Variants in FOXP1 observed in about 807,000 individuals in gnomAD.
The protein encoded by FOXP1 is forkhead box protein P1.
FOXP1 carries 15 observed loss-of-function variants against 98.2 expected under a neutral mutation model. The ratio of observed to expected loss-of-function variants is 0.15; its 90% CI spans 0.10 to 0.24. FOXP1 has a LOEUF of 0.24. FOXP1 is among the 10% of genes least tolerant of loss of function. FOXP1 has a pLI of 1.00. For synonymous variants in FOXP1, 371 were observed against 314.5 expected, an observed-to-expected ratio of 1.18 and a Z score of -1.90; for missense variants, 633 against 848.5, an observed-to-expected ratio of 0.75 and a Z score of 3.15.
chr3:71,347,963 G>T (rs1349738251), intron 4 of FOXP1, among the ~76,000 whole-genome samples: 1 of 151,698 alleles, frequency 6.6e-6, no homozygotes, highest in Non-Finnish European at 1.5e-5. Flanking sequence ...CCAAAACCAT[G>T]ATTAGTACTG....
chr3:71,293,303 T>G (rs1331648175), intron 5 of FOXP1, among the ~76,000 whole-genome samples: 1 of 152,110 alleles, frequency 6.6e-6, no homozygotes, highest in African/African-American at 2.4e-5. Flanking sequence ...AAAACATCAT[T>G]TAAAAAATAC....
At chr3:71,463,659 G>A (rs1407757503) in intron 3 of FOXP1, among the ~76,000 whole-genome samples, 1 of 152,064 alleles carries the variant, frequency 6.6e-6, no homozygotes, top group Non-Finnish European at 1.5e-5. Context: ...CATGCTTTGT[G>A]GTCCCTGAAT....
At chr3:71,343,554 A>ATTTTTTTTTTTTT (rs10658352) in intron 4 of FOXP1, among the ~76,000 whole-genome samples, 1 of 116,414 alleles carries the variant, frequency 8.6e-6, no homozygotes, top group Non-Finnish European at 1.7e-5. Context: ...TCTCAATTAG[A>ATTTTTTTTTTTTT]TTTTTTTTTT....
intron 12 of FOXP1, among the ~76,000 whole-genome samples, chr3:71,009,155 C>G (rs374934807): frequency 6.8e-3 from 141 of 20,656 alleles, no homozygotes; most frequent in Non-Finnish European, 0.01. Flanking sequence ...ATCATGGGGG[C>G]GGGGGGGGGG....
chr3:71,212,227 G>A lies in FOXP1; in HGVS notation c.-11-13835C>T, dbSNP rs141681192. 7.5e-3 allele frequency among the ~76,000 whole-genome samples: 1,135 copies of A among 152,172 alleles called. 8 individuals carry two copies. The highest frequency in any genetic ancestry group is 0.011 in the Non-Finnish European group (756 of 68,012). On this transcript the variant is annotated intron_variant, in intron 5 of 20. Transcript: ENST00000649528. ...TAATGCGAATTGGTGAATGATTTAC[G>A]AGCCACCAAAAAATCCTCTCCCAAC...
At chr3:71,032,682 G>A (rs190567782) in intron 11 of FOXP1, among the ~76,000 whole-genome samples, 2 of 152,168 alleles carry the variant, frequency 1.3e-5, no homozygotes, top group Admixed American at 6.5e-5. Flanking sequence ...GGTAACACTG[G>A]TGCGAACACA....
At chr3:71,153,016 C>G (rs2060647458) in intron 6 of FOXP1, among the ~76,000 whole-genome samples, 1 of 152,220 alleles carries the variant, frequency 6.6e-6, no homozygotes, top group South Asian at 2.1e-4. Context: ...CACCAGCTTC[C>G]AGAGCCCCAC....
At chr3:71,485,166 G>T (rs1012551122) in intron 3 of FOXP1, among the ~76,000 whole-genome samples, 3 of 152,126 alleles carry the variant, frequency 2.0e-5, no homozygotes, top group African/African-American at 7.2e-5. Flanking sequence ...GAGGACAGGG[G>T]TGCAGAGGCC....
intron 4 of FOXP1, chr3:71,333,948 T>C (rs2076509846): frequency 6.9e-6 from 1 of 145,374 alleles, no homozygotes; most frequent in Middle Eastern, 4.0e-3. Context: ...AATAAGAAAA[T>C]ACACTAGAGG....
At chr3:71,100,742 G>A (rs2056881287) in intron 7 of FOXP1, among the ~76,000 whole-genome samples, 1 of 152,132 alleles carries the variant, frequency 6.6e-6, no homozygotes, top group Admixed American at 6.5e-5. Flanking sequence ...CAAATGGACT[G>A]CACTTTTATC....
chr3:71,111,444 C>G (rs192115982), intron 7 of FOXP1, among the ~76,000 whole-genome samples: 16 of 152,288 alleles, frequency 1.1e-4, no homozygotes, highest in African/African-American at 3.9e-4. Context: ...GTCGCCCAGG[C>G]TGGAGCACAG....
chr3:71,233,696 A>G (rs35123078), intron 5 of FOXP1, among the ~76,000 whole-genome samples: 16,006 of 144,966 alleles, frequency 0.11, 1,123 homozygotes, highest in Middle Eastern at 0.24. Flanking sequence ...GCACCCCCCC[A>G]GCTGGTGCTA....
intron 6 of FOXP1, among the ~76,000 whole-genome samples, chr3:71,177,337 G>A (rs2062001628): frequency 1.3e-5 from 2 of 152,190 alleles, no homozygotes; most frequent in African/African-American, 4.8e-5. Context: ...GGGTGGAAAT[G>A]GAAAAGCTGC....
At chr3:71,329,157 T>C (rs980185128) in intron 4 of FOXP1, among the ~76,000 whole-genome samples, 4 of 151,932 alleles carry the variant, frequency 2.6e-5, no homozygotes, top group Admixed American at 6.6e-5. Context: ...ATGGCTGACA[T>C]AGGTGGAATG....
chr3:71,463,966 C>A (rs2088430709), intron 3 of FOXP1, among the ~76,000 whole-genome samples: 1 of 152,166 alleles, frequency 6.6e-6, no homozygotes, highest in Non-Finnish European at 1.5e-5. Context: ...GTTTACCAAT[C>A]TGTAAATGAG....
At chr3:70,979,778 TAAA>T (rs34746282) in intron 14 of FOXP1, among the ~76,000 whole-genome samples, 36 of 138,134 alleles carry the variant, frequency 2.6e-4, no homozygotes, top group African/African-American at 3.6e-4. Flanking sequence ...ACACTCTAGT[TAAA>T]AAAAAAAAAA....
At chr3:71,440,087 T>C (rs2085779856) in intron 3 of FOXP1, among the ~76,000 whole-genome samples, 1 of 151,350 alleles carries the variant, frequency 6.6e-6, no homozygotes, top group Non-Finnish European at 1.5e-5. Flanking sequence ...GTATCTAGAG[T>C]TGTCAAATTC....
In FOXP1 at chr3:71,396,993, T is replaced by TATACATATATATGTGTATATATATAC. The variant is rs1269553423; in HGVS notation, c.-167-37750_-167-37749insGTATATATATACACATATATATGTAT. Among the ~76,000 whole-genome samples the TATACATATATATGTGTATATATATAC allele has an allele frequency of 7.8e-4, 41 of 52,454 alleles. 2 individuals carry two copies. The highest frequency in any genetic ancestry group is 3.7e-3 in the African/African-American group (40 of 10,678). 34.4% of individuals were successfully genotyped at this position (52,454 alleles called of 152,430 possible). On this transcript the variant is annotated intron_variant, in intron 3 of 20. Transcript: ENST00000649528. ...GTATATATATATATGTGTATATATATACACATATATATGTGTATATATATA... is the reference window on the plus strand; with the variant it reads ...GTATATATATATATGTGTATATATATATACATATATATGTGTATATATATACACACATATATATGTGTATATATATA...
chr3:71,470,051 A>G (rs2089175961), intron 3 of FOXP1, among the ~76,000 whole-genome samples: 1 of 151,912 alleles, frequency 6.6e-6, no homozygotes, highest in Admixed American at 6.5e-5. Context: ...GATAAAATAA[A>G]ATAAAATATT....
Sources: allele counts gnomAD v4.1 joint callset (sites outside exome capture counted in the v4.1 genomes callset), GRCh38; gene constraint gnomAD v4.1.1; transcripts MANE v1.5; gene names NCBI Gene and HGNC (gene_info 2026-07-23, HGNC 2026-07-21).